The following PTGES variants were observed in gnomAD, a reference collection of about 807,000 sequenced individuals.
PTGES encodes MGST1-like 1.
Under a neutral mutation model 11.8 loss-of-function variants are expected in PTGES, and 3 were observed. That is an observed-to-expected ratio of 0.25 (90% CI 0.12 to 0.66). The LOEUF is 0.66. Among genes scored for constraint, PTGES ranks in the 30% least tolerant of loss-of-function variants. The probability of loss-of-function intolerance (pLI) is 0.82; values close to 1 mark genes in which losing one functional copy is unlikely to be tolerated. For missense variants in PTGES, 180 were observed against 213.0 expected (o/e 0.85, Z 0.96); for synonymous variants, 94 against 90.4 (o/e 1.04, Z -0.22).
At chr9:129,743,859 T>G (rs1200057268) in intron 2 of PTGES, among the ~76,000 whole-genome samples, 2 of 151,902 alleles carry the variant, frequency 1.3e-5, no homozygotes, top group East Asian at 3.9e-4. Context: ...TAGGAAGATC[T>G]TTTTTTTGAG....
Position 129,748,009 on chromosome 9 carries a change from CAAAA to C in PTGES, c.209+642_209+645del, listed in dbSNP as rs71497492. On this transcript the variant is annotated intron_variant, in intron 2 of 2. Coordinates refer to ENST00000340607, the MANE Select transcript of PTGES (RefSeq NM_004878.5). ...TGGGCAACAGAGTGAGACTCTGTCT[CAAAA>C]AAAAAAAAAAAAAAAAAAAAAAAGA... Among the ~76,000 whole-genome samples the C allele has an allele frequency of 1.8e-3, 41 of 23,410 alleles. 1 individual carries two copies. The highest frequency in any genetic ancestry group is 6.3e-3 in the East Asian group (6 of 958). 15.4% of individuals were successfully genotyped at this position (23,410 alleles called of 152,430 possible). A position where few individuals can be genotyped will look rare whatever the true frequency, so the allele number is the denominator to read the frequency against.
chr9:129,745,157 C>T lies in PTGES; in HGVS notation c.209+3498G>A, dbSNP rs1242413155. On this transcript the variant is annotated intron_variant, in intron 2 of 2. Coordinates refer to ENST00000340607, the MANE Select transcript of PTGES (RefSeq NM_004878.5). The surrounding 1 kb of genome is among the most constrained non-coding windows in gnomAD (Gnocchi z 4.2). ...AGAAATGCTCCAAGCTTAGGTCGCA[C>T]GTTTGCCTCTCTTCTTTGGGACCAC... is the stretch of plus-strand genomic sequence containing the variant. Among the ~76,000 whole-genome samples the T allele has an allele frequency of 2.0e-5, 3 of 150,024 alleles. No homozygotes were observed. Among genetic ancestry groups the T allele is most frequent in the Non-Finnish European group, 4.4e-5 (3 of 67,584 alleles).
At position 129,742,347 on chromosome 9, in the gene PTGES, A is replaced by C. The variant is rs111244813; in HGVS notation, c.210-2487T>G. Among the ~76,000 whole-genome samples, 599 of 149,728 alleles carry C rather than the reference A, an allele frequency of 4.0e-3. 4 individuals carry two copies. Among genetic ancestry groups the C allele is most frequent in the African/African-American group, 0.014 (569 of 40,390 alleles). The stretch of plus-strand genomic sequence containing the variant: ...CTGTCTCAAAAAAAAAAAAAAAAAA[A>C]AAACATAAAACAAAACAAAAATCAC... On this transcript the variant is annotated intron_variant, in intron 2 of 2. Transcript: ENST00000340607.
intron 2 of PTGES, among the ~76,000 whole-genome samples, chr9:129,746,986 T>A (rs1386297474): frequency 6.6e-6 from 1 of 152,202 alleles, no homozygotes; most frequent in Non-Finnish European, 1.5e-5. Flanking sequence ...AATCTTGGCT[T>A]ACTGCAACCT....
chr9:129,750,395 C>T (rs1833091355), intron 1 of PTGES, among the ~76,000 whole-genome samples: 2 of 152,216 alleles, frequency 1.3e-5, no homozygotes, highest in African/African-American at 2.4e-5. Flanking sequence ...AAATTCCTCT[C>T]TGCTGGCCCT....
At chr9:129,744,323 C>T (rs574659581) in intron 2 of PTGES, among the ~76,000 whole-genome samples, 5 of 152,262 alleles carry the variant, frequency 3.3e-5, no homozygotes, top group Non-Finnish European at 2.9e-5. Flanking sequence ...TGTGGTGGCA[C>T]ACACCTGTGA....
chr9:129,742,343 A>C (rs1172049747), intron 2 of PTGES, among the ~76,000 whole-genome samples: 3 of 150,812 alleles, frequency 2.0e-5, no homozygotes, highest in Non-Finnish European at 4.4e-5. Context: ...AAAAAAAAAA[A>C]AAAAAAACAT....
intron 1 of PTGES, among the ~76,000 whole-genome samples, 170 bp from the exon 2 acceptor site, chr9:129,748,907 C>T (rs975522144): frequency 3.3e-5 from 5 of 152,170 alleles, no homozygotes; most frequent in African/African-American, 4.8e-5. Flanking sequence ...GCTGGTAGCT[C>T]ACCATGAAAA....
intron 1 of PTGES, 30 bp from the exon 2 acceptor site, chr9:129,748,767 C>T (rs755052868): frequency 1.4e-5 from 22 of 1,553,456 alleles, no homozygotes; most frequent in Admixed American, 1.3e-4. Flanking sequence ...AGTCACTCCT[C>T]GTGAGACAAA....
At position 129,753,027 on chromosome 9, in the gene PTGES, G is replaced by A; in HGVS notation, c.-15C>T. ...TGGGCAGGCATCTCTGGCCAGCGCA[G>A]CTCAACTGTGGGTGTGATCAGCTCG... On this transcript the variant is annotated 5_prime_UTR_variant, in exon 1 of 3. Transcript: ENST00000340607. 1 of 1,599,898 alleles carries A rather than the reference G, an allele frequency of 6.3e-7. No homozygotes were observed. Among genetic ancestry groups the A allele is most frequent in the Non-Finnish European group, 8.5e-7 (1 of 1,178,518 alleles).
rs200335114 is a variant in PTGES at position 129,739,459 on chromosome 9, C to A, written c.*152G>T. On this transcript the variant is annotated 3_prime_UTR_variant, in exon 3 of 3. Coordinates refer to ENST00000340607, the MANE Select transcript of PTGES (RefSeq NM_004878.5). This position sits in a 1 kb window ranked among gnomAD's most constrained non-coding sequence, Gnocchi z 5.7. ...ACACACACACGGGCACACACACAGG[C>A]CCACTGTGCCCAGAGACCCACACGC... The A allele has an allele frequency of 1.0e-5, 11 of 1,048,828 alleles. No individual in the cohort carries two copies. In the African/African-American group the frequency reaches 1.8e-4, roughly 17 times the overall value. The allele number at this position is 1,048,828 out of a possible 1,614,324, so 65.0% of individuals were successfully genotyped here. A position where few individuals can be genotyped will look rare whatever the true frequency, so the allele number is the denominator to read the frequency against.
chr9:129,752,096 C>A (rs1421322212), intron 1 of PTGES, among the ~76,000 whole-genome samples: 2 of 152,236 alleles, frequency 1.3e-5, no homozygotes, highest in Admixed American at 6.5e-5. Context: ...CCAGGATCCA[C>A]CCGCATGCAG....
chr9:129,744,573 A>T (rs1023916141), intron 2 of PTGES, among the ~76,000 whole-genome samples: 2 of 124,602 alleles, frequency 1.6e-5, no homozygotes, highest in African/African-American at 3.5e-5. Context: ...CCCTGTCACA[A>T]AAAAAAAAAA....
intron 2 of PTGES, 22 bp downstream of exon 2, chr9:129,748,633 G>T: frequency 6.4e-7 from 1 of 1,553,472 alleles, no homozygotes; most frequent in Non-Finnish European, 8.7e-7. Flanking sequence ...GTGTGGCCAG[G>T]CCAGGGGCCC....
At chr9:129,741,771 G>A (rs1832997217) in intron 2 of PTGES, among the ~76,000 whole-genome samples, 1 of 152,160 alleles carries the variant, frequency 6.6e-6, no homozygotes, top group African/African-American at 2.4e-5. Flanking sequence ...CAGCCATGGT[G>A]GTGCATGCCT....
intron 2 of PTGES, among the ~76,000 whole-genome samples, chr9:129,744,303 T>C (rs187295210): frequency 6.6e-6 from 1 of 152,150 alleles, no homozygotes; most frequent in South Asian, 2.1e-4. Flanking sequence ...AAGCACGTTA[T>C]GGGGCTGGGT....
Position 129,740,998 on chromosome 9 carries a change from C to A in PTGES, c.210-1138G>T, listed in dbSNP as rs189108208. ...GAGTGGGGACCCGCTGCAGGGTCCT[C>A]CTCTTCCCTCTCACTGGCAAGACGA... On this transcript the variant is annotated intron_variant, in intron 2 of 2. Coordinates refer to ENST00000340607, the MANE Select transcript of PTGES (RefSeq NM_004878.5). Among the ~76,000 whole-genome samples, 143 of 152,284 alleles carry A rather than the reference C, an allele frequency of 9.4e-4. 2 individuals are homozygous for A. The highest frequency in any genetic ancestry group is 3.2e-3 in the African/African-American group (134 of 41,566).
In PTGES at chr9:129,739,782, A is replaced by G; in HGVS notation, c.288T>C (p.Pro96=). The change falls in exon 3 of 3, where the codon CCT becomes CCC. Residue 96 remains proline (P), a synonymous_variant. Coordinates refer to ENST00000340607, the MANE Select transcript of PTGES (RefSeq NM_004878.5). The surrounding 1 kb of genome is among the most constrained non-coding windows in gnomAD (Gnocchi z 5.7). The part of the protein sequence containing the change: ...GFVYSFLGPN[P]FVAWMHFLVF... ...CCAGGAAGTGCATCCAGGCGACAAA[A>G]GGGTTAGGACCCAGAAAGGAGTAGA... 6.3e-7 allele frequency: 1 copy of G among 1,577,932 alleles called. No homozygotes were observed. The highest frequency in any genetic ancestry group is 8.6e-7 in the Non-Finnish European group (1 of 1,161,498).
rs142771565 is a variant in PTGES at position 129,742,644 on chromosome 9, C to T, written c.210-2784G>A. On this transcript the variant is annotated intron_variant, in intron 2 of 2. Transcript: ENST00000340607. The stretch of plus-strand genomic sequence containing the variant: ...GAGTAAGTCCTTTGGGAGGCTGAGG[C>T]GGGCGGATCACGAGGTCAGGAGATC... 8.1e-3 allele frequency among the ~76,000 whole-genome samples: 1,237 copies of T among 152,170 alleles called. 13 individuals carry two copies. The highest frequency in any genetic ancestry group is 0.048 in the Middle Eastern group (14 of 294).
Sources: gnomAD v4.1 joint callset for allele counts (sites outside exome capture counted in the v4.1 genomes callset) on GRCh38, gnomAD v4.1.1 for gene constraint, Gnocchi (gnomAD v3.1) non-coding constraint, MANE v1.5 for transcripts, NCBI Gene and HGNC (gene_info 2026-07-23, HGNC 2026-07-21) for gene names.